Variants in ODAD3 observed in about 807,000 individuals in gnomAD.
ODAD3 encodes outer dynein arm-docking complex subunit 3.
In ODAD3, 57 loss-of-function variants were observed where a neutral mutation model predicts 70.9. The ratio of observed to expected loss-of-function variants is 0.80; its 90% CI spans 0.65 to 1.00. The LOEUF is 1.00. Ranked by LOEUF, ODAD3 falls within the 50% of genes least tolerant of loss-of-function variation. ODAD3 has a pLI of 0.00. For synonymous variants in ODAD3, 327 were observed against 315.9 expected (o/e 1.04, Z -0.37); for missense variants, 797 against 763.9 (o/e 1.04, Z -0.51).
chr19:11,429,683 C>G (rs926964337), intron 3 of ODAD3, among the ~76,000 whole-genome samples: 3 of 152,292 alleles, frequency 2.0e-5, no homozygotes, highest in African/African-American at 7.2e-5. Context: ...GCTGGGATTA[C>G]AGGCATGAGC....
At chr19:11,425,569 A>ATATG (rs1206907518) in intron 7 of ODAD3, among the ~76,000 whole-genome samples, 19 of 132,224 alleles carry the variant, frequency 1.4e-4, no homozygotes, top group African/African-American at 6.8e-4. Flanking sequence ...ATATGTGTGT[A>ATATG]TGTATGTATA....
intron 3 of ODAD3, among the ~76,000 whole-genome samples, chr19:11,428,561 T>C (rs1246073805): frequency 6.6e-6 from 1 of 151,964 alleles, no homozygotes; most frequent in Non-Finnish European, 1.5e-5. Context: ...TTTATAATTA[T>C]TTTTTCAGAC....
intron 7 of ODAD3, among the ~76,000 whole-genome samples, chr19:11,425,698 A>G (rs1599460896): frequency 2.2e-5 from 3 of 135,826 alleles, no homozygotes; most frequent in African/African-American, 7.2e-5. Flanking sequence ...AACAACAACT[A>G]CAACAACAAC....
chr19:11,424,579 A>C (rs1969225419), intron 7 of ODAD3, among the ~76,000 whole-genome samples: 1 of 138,078 alleles, frequency 7.2e-6, no homozygotes, highest in Non-Finnish European at 1.5e-5. Context: ...ATATGTGTAT[A>C]TATACCTATG....
At chr19:11,425,182 T>C (rs1195463797) in intron 7 of ODAD3, among the ~76,000 whole-genome samples, 3 of 140,744 alleles carry the variant, frequency 2.1e-5, no homozygotes, top group Non-Finnish European at 3.0e-5. Context: ...TGTACATATG[T>C]GTATATATAC....
At position 11,422,543 on chromosome 19, in the gene ODAD3, G is replaced by A; in HGVS notation, c.1362C>T (p.Arg454=). The change falls in exon 10 of 13, where the codon CGC becomes CGT. Residue 454 remains arginine, a synonymous_variant. Coordinates refer to ENST00000356392, the MANE Select transcript of ODAD3 (RefSeq NM_145045.5). The surrounding 1 kb of genome is among the most constrained non-coding windows in gnomAD (Gnocchi z 4.6). ...TGGCCACTTGCATCGCCCGCAAGGC[G>A]CGCTCCAGCTGGTCCTTGGCCTCGG... ...RHAEAKDQLE[R]ALRAMQVAKD... is the part of the protein sequence containing the mutation. The A allele has an allele frequency of 6.3e-7, 1 of 1,591,310 alleles. No individual in the cohort carries two copies. Among genetic ancestry groups the A allele is most frequent in the Non-Finnish European group, 8.5e-7 (1 of 1,170,726 alleles).
In ODAD3 at chr19:11,426,520, C is replaced by G. The variant is rs1298588458; in HGVS notation, c.766G>C (p.Val256Leu). 1 of 1,613,940 alleles carries G rather than the reference C, an allele frequency of 6.2e-7. No individual in the cohort carries two copies. Among genetic ancestry groups the G allele is most frequent in the East Asian group, 2.2e-5 (1 of 44,894 alleles). ...NRLDSMEAEV[V>L]RTKHELEALH... Reference sequence around the variant, plus strand: ...GCCTCCAGCTCATGTTTGGTCCTCACCACCTCAGCCTCCATGGAGTCCAGC... The same window carrying G: ...GCCTCCAGCTCATGTTTGGTCCTCAGCACCTCAGCCTCCATGGAGTCCAGC... The change falls in exon 6 of 13, where the codon GTG becomes CTG. Residue 256 changes from valine (V) to leucine (L), a missense_variant. Coordinates refer to ENST00000356392, the MANE Select transcript of ODAD3 (RefSeq NM_145045.5).
At position 11,430,691 on chromosome 19, in the gene ODAD3, G is replaced by A. The variant is rs1381847420; in HGVS notation, c.444+8C>T. The A allele has an allele frequency of 1.2e-6, 2 of 1,613,946 alleles. No homozygotes were observed. Among genetic ancestry groups the A allele is most frequent in the East Asian group, 2.2e-5 (1 of 44,874 alleles). On this transcript the variant is annotated splice_region_variant and intron_variant, in intron 3 of 12. Transcript: ENST00000356392. ...ATGAAGGAGGAGGTGGGGCGAGGGT[G>A]GGCAAACCTGTCCTGTCCTGTTCTT...
upstream of ODAD3, chr19:11,435,635 C>T (rs926540646): frequency 1.5e-5 from 19 of 1,250,380 alleles, no homozygotes; most frequent in South Asian, 8.7e-5. Flanking sequence ...TTTCCGCTTT[C>T]TTTCTGCAGC....
chr19:11,420,881 T>C lies in ODAD3; in HGVS notation c.1742A>G (p.Lys581Arg), dbSNP rs1969114515. Residue 581 changes from lysine to arginine, a missense_variant, in exon 13 of 13, where the codon AAA (lysine) becomes AGA (arginine). Lys to Arg is a conservative substitution (Grantham distance 26, BLOSUM62 2). Coordinates refer to ENST00000356392, the MANE Select transcript of ODAD3 (RefSeq NM_145045.5). ...TRASLKIRSQ[K>R]LIESHKKHRR... ...GTGCTTCTTGTGACTTTCGATTAAT[T>C]TCTGGGAACGGATCTTGAGTGATGC... The C allele has an allele frequency of 1.2e-6, 2 of 1,613,650 alleles. No individual in the cohort carries two copies. Among genetic ancestry groups the C allele is most frequent in the Non-Finnish European group, 1.7e-6 (2 of 1,179,920 alleles).
At chr19:11,428,939 A>G (rs1568352928) in intron 3 of ODAD3, among the ~76,000 whole-genome samples, 1 of 151,558 alleles carries the variant, frequency 6.6e-6, no homozygotes, top group Non-Finnish European at 1.5e-5. Context: ...GTGCAATGGC[A>G]TGATCTCGGC....
In ODAD3 at chr19:11,422,227, A is replaced by G. The variant is rs1178008757; in HGVS notation, c.1434+244T>C. The stretch of plus-strand genomic sequence containing the variant: ...CTTTCCCTTGGAGGCGGAGCTTGAG[A>G]CGGGACAGGGTCTCTGACGTCTTGG... On this transcript the variant is annotated intron_variant, in intron 10 of 12. Coordinates refer to ENST00000356392, the MANE Select transcript of ODAD3 (RefSeq NM_145045.5). The surrounding 1 kb of genome is among the most constrained non-coding windows in gnomAD (Gnocchi z 4.6). 2.6e-5 allele frequency among the ~76,000 whole-genome samples: 4 copies of G among 151,364 alleles called. No homozygotes were observed. Among genetic ancestry groups the G allele is most frequent in the African/African-American group, 9.7e-5 (4 of 41,106 alleles).
At chr19:11,425,038 CATATGTGTAT>C (rs1400812016) in intron 7 of ODAD3, among the ~76,000 whole-genome samples, 26 of 85,848 alleles carry the variant, frequency 3.0e-4, no homozygotes, top group Middle Eastern at 0.018. Context: ...TGCATATATA[CATATGTGTAT>C]ATATGTGTAT....
At chr19:11,430,243 T>C (rs1969474852) in intron 3 of ODAD3, among the ~76,000 whole-genome samples, 1 of 152,126 alleles carries the variant, frequency 6.6e-6, no homozygotes, top group African/African-American at 2.4e-5. Context: ...GTTCAAGCGA[T>C]TCTCCTGCCT....
At chr19:11,425,195 A>G (rs926868607) in intron 7 of ODAD3, among the ~76,000 whole-genome samples, 35 of 130,010 alleles carry the variant, frequency 2.7e-4, no homozygotes, top group South Asian at 4.5e-4. Flanking sequence ...ATATATACAT[A>G]TGTGTATGTG....
intron 1 of ODAD3, among the ~76,000 whole-genome samples, chr19:11,431,566 G>A (rs1040011352): frequency 2.6e-5 from 4 of 151,268 alleles, no homozygotes; most frequent in African/African-American, 7.3e-5. Context: ...AGAGGCGGGC[G>A]GATCACCTGA....
chr19:11,426,700 G>A lies in ODAD3; in HGVS notation c.697C>T (p.Leu233Phe), dbSNP rs1159535666. ...AEHITSVYLQ[L>F]KAYLMDESLN... is the part of the protein sequence containing the mutation. ...GTCCCTACCATTAGATAGGCCTTGA[G>A]CTGCAGGTACACGCTGGTAATGTGC... The change falls in exon 5 of 13, where the codon CTC (leucine) becomes TTC (phenylalanine). Residue 233 changes from leucine to phenylalanine, a missense_variant. Physicochemically the swap from Leu to Phe is conservative, Grantham distance 22. Transcript: ENST00000356392. 1.2e-6 allele frequency: 2 copies of A among 1,613,816 alleles called. No homozygotes were observed. The highest frequency in any genetic ancestry group is 1.7e-6 in the Non-Finnish European group (2 of 1,179,904).
rs36064150 is a variant in ODAD3 at position 11,420,910 on chromosome 19, G to A, written c.1713C>T (p.Thr571=). The A allele has an allele frequency of 1.9e-5, 31 of 1,613,792 alleles. 1 individual carries two copies. Among genetic ancestry groups the A allele is most frequent in the African/African-American group, 1.7e-4 (13 of 74,830 alleles). The part of the protein sequence containing the change: ...ESEEEDNEVV[T]RASLKIRSQK... ...GGGAACGGATCTTGAGTGATGCGCGGGTCACTACCTCGTTGTCCTCCTCCT... is the reference window on the plus strand; with the variant it reads ...GGGAACGGATCTTGAGTGATGCGCGAGTCACTACCTCGTTGTCCTCCTCCT... The change falls in exon 13 of 13, where the codon ACC becomes ACT. Residue 571 remains threonine, a synonymous_variant. Coordinates refer to ENST00000356392, the MANE Select transcript of ODAD3 (RefSeq NM_145045.5).
chr19:11,421,930 AG>A, intron 10 of ODAD3, 98 bp from the exon 11 acceptor site: 1 of 1,385,324 alleles, frequency 7.2e-7, no homozygotes, highest in East Asian at 2.3e-5. Context: ...GGGGCCTAGG[AG>A]GTAAGGGCCC....
Sources: allele counts gnomAD v4.1 joint callset (sites outside exome capture counted in the v4.1 genomes callset), GRCh38; gene constraint gnomAD v4.1.1; non-coding constraint Gnocchi (gnomAD v3.1); transcripts MANE v1.5; gene names NCBI Gene and HGNC (gene_info 2026-07-23, HGNC 2026-07-21).